Variants in APOLD1 observed in about 807,000 individuals in gnomAD.
APOLD1 encodes apolipoprotein L domain containing 1, also known as apolipoprotein L domain-containing protein 1.
APOLD1 carries 22 observed loss-of-function variants against 15.3 expected under a neutral mutation model. The observed-to-expected ratio is 1.44, with a 90% CI of 1.03 to 2.05. The LOEUF (loss-of-function observed/expected upper bound fraction) is 2.05. APOLD1 is among the 30% of genes most tolerant of loss of function. APOLD1 has a pLI of 0.00. For synonymous variants in APOLD1, 190 were observed against 167.4 expected (o/e 1.13, Z -1.04); for missense variants, 394 against 353.5 (o/e 1.11, Z -0.92).
chr12:12,786,801 G>A (rs1221496813), intron 1 of APOLD1, 108 bp from the exon 2 acceptor site: 3 of 1,308,332 alleles, frequency 2.3e-6, no homozygotes, highest in Non-Finnish European at 2.9e-6. Context: ...CGTGGCAGTG[G>A]CTGCTCCGCT....
chr12:12,740,563 T>G (rs1946723207), intron 1 of APOLD1, among the ~76,000 whole-genome samples: 1 of 152,242 alleles, frequency 6.6e-6, no homozygotes, highest in South Asian at 2.1e-4. Context: ...CTGAACTAGG[T>G]GAACCTAATA....
rs35191312 is a variant in APOLD1, at chr12:12,744,307, T to TA, written c.96+18229dup. Among the ~76,000 whole-genome samples the TA allele has an allele frequency of 7.1e-3, 935 of 131,136 alleles. 7 individuals are homozygous for TA. Among genetic ancestry groups the TA allele is most frequent in the African/African-American group, 0.019 (664 of 34,884 alleles). 86.0% of individuals were successfully genotyped at this position (131,136 alleles called of 152,430 possible). A position where few individuals can be genotyped will look rare whatever the true frequency, so the allele number is the denominator to read the frequency against. On this transcript the variant is annotated intron_variant, in intron 1 of 1. Transcript: ENST00000326765. ...CTGGGCAATAGAGCCAGACCCTGCT[T>TA]AAAAAAAAAAAAAAAAAATGGCTGG...
intron 1 of APOLD1, among the ~76,000 whole-genome samples, chr12:12,774,201 G>A (rs1463812660): frequency 6.6e-6 from 1 of 152,040 alleles, no homozygotes; most frequent in African/African-American, 2.4e-5. Context: ...ATTTGATAAA[G>A]GACTGTTATC....
chr12:12,750,299 G>T (rs1389924490), intron 1 of APOLD1, among the ~76,000 whole-genome samples: 1 of 147,586 alleles, frequency 6.8e-6, no homozygotes, highest in Non-Finnish European at 1.5e-5. Context: ...TTGAACCCGG[G>T]AGACGGAGGT....
rs542876279 is a variant in APOLD1, at chr12:12,757,707, C to T, written c.97-29202C>T. 4.6e-5 allele frequency among the ~76,000 whole-genome samples: 7 copies of T among 151,838 alleles called. No homozygotes were observed. The East Asian group carries it at 1.2e-3, about 25-fold the overall frequency. On this transcript the variant is annotated intron_variant, in intron 1 of 1. Transcript: ENST00000326765. ...AATCATTTTATTGAGAGGTAATTCA[C>T]GTAACATACAATTCACTTATTTAAG...
At chr12:12,785,634 A>G, upstream of APOLD1, 1 of 1,614,218 alleles carries the variant, frequency 6.2e-7, no homozygotes, top group Non-Finnish European at 8.5e-7. Context: ...GGAACTATAA[A>G]GCACACTCAT....
upstream of APOLD1, among the ~76,000 whole-genome samples, chr12:12,783,026 C>T (rs1947096118): frequency 6.6e-6 from 1 of 151,694 alleles, no homozygotes; most frequent in African/African-American, 2.4e-5. Context: ...TCCAACATGG[C>T]GAAACCCCGT....
chr12:12,758,215 T>C lies in APOLD1; in HGVS notation c.97-28694T>C, dbSNP rs538685521. 2.3e-3 allele frequency among the ~76,000 whole-genome samples: 349 copies of C among 151,194 alleles called. 1 individual carries two copies. Among genetic ancestry groups the C allele is most frequent in the Non-Finnish European group, 3.5e-3 (236 of 67,710 alleles). On this transcript the variant is annotated intron_variant, in intron 1 of 1. Coordinates refer to the APOLD1 transcript ENST00000326765. ...CCTCCCAAAGTGCTGGGATTACAGG[T>C]GTGAACCACCACGCCTGAACTAATT...
chr12:12,734,660 C>T (rs1003527524), intron 1 of APOLD1, among the ~76,000 whole-genome samples: 3 of 152,128 alleles, frequency 2.0e-5, no homozygotes, highest in Non-Finnish European at 4.4e-5. Flanking sequence ...GATTTTTGGC[C>T]ACAAACCACA....
chr12:12,748,930 C>T (rs949973356), intron 1 of APOLD1, among the ~76,000 whole-genome samples: 1 of 152,128 alleles, frequency 6.6e-6, no homozygotes, highest in Admixed American at 6.5e-5. Context: ...AAGGCAGCAT[C>T]CTCTCAAATA....
intron 1 of APOLD1, among the ~76,000 whole-genome samples, chr12:12,736,814 T>C (rs1946690350): frequency 6.6e-6 from 1 of 152,156 alleles, no homozygotes; most frequent in Non-Finnish European, 1.5e-5. Flanking sequence ...TCACAAGTGG[T>C]ATATCTGAGG....
chr12:12,730,065 TGTGTGTGTGTGTGAGA>T (rs769735427), intron 1 of APOLD1, among the ~76,000 whole-genome samples: 10,304 of 87,170 alleles, frequency 0.12, 722 homozygotes, highest in African/African-American at 0.3. Context: ...TGTGTGTGTG[TGTGTGTGTGTGTGAGA>T]GAGAGAGAGA....
At chr12:12,782,120 A>G (rs1302833284), upstream of APOLD1, among the ~76,000 whole-genome samples, 2 of 151,908 alleles carry the variant, frequency 1.3e-5, no homozygotes, top group African/African-American at 4.8e-5. Flanking sequence ...TTAGCTGGGC[A>G]TGGTGGTGCG....
At chr12:12,779,340 T>A (rs1258581923) in intron 1 of APOLD1, among the ~76,000 whole-genome samples, 1 of 152,196 alleles carries the variant, frequency 6.6e-6, no homozygotes, top group Non-Finnish European at 1.5e-5. Context: ...AGGGACTATA[T>A]CTTATTTAGC....
chr12:12,730,077 T>TGA lies in APOLD1; in HGVS notation c.96+4000_96+4001dup, dbSNP rs146075502. Among the ~76,000 whole-genome samples, 299 of 81,470 alleles carry TGA rather than the reference T, an allele frequency of 3.7e-3. 2 individuals are homozygous for TGA. The highest frequency in any genetic ancestry group is 6.8e-3 in the African/African-American group (116 of 17,004). The allele number at this position is 81,470 out of a possible 152,430, so 53.4% of individuals were successfully genotyped here. ...GTGTGTGTGTGTGTGTGTGTGTGTGTGAGAGAGAGAGAGAGAGAGACAGAC... is the reference window on the plus strand; with the variant it reads ...GTGTGTGTGTGTGTGTGTGTGTGTGTGAGAGAGAGAGAGAGAGAGAGACAGAC... On this transcript the variant is annotated intron_variant, in intron 1 of 1. Coordinates refer to the APOLD1 transcript ENST00000326765.
intron 1 of APOLD1, among the ~76,000 whole-genome samples, chr12:12,763,524 GA>G (rs1197946353): frequency 1.4e-3 from 194 of 135,432 alleles, no homozygotes; most frequent in East Asian, 6.0e-3. Flanking sequence ...TGGGGGGGGG[GA>G]AAACAATACA....
At chr12:12,765,025 C>A (rs1348984524) in intron 1 of APOLD1, among the ~76,000 whole-genome samples, 2 of 152,070 alleles carry the variant, frequency 1.3e-5, no homozygotes, top group African/African-American at 4.8e-5. Flanking sequence ...TCATTTCCAG[C>A]CATGTAGAGG....
intron 1 of APOLD1, among the ~76,000 whole-genome samples, chr12:12,745,345 C>G (rs1946757648): frequency 6.6e-6 from 1 of 152,084 alleles, no homozygotes; most frequent in Non-Finnish European, 1.5e-5. Flanking sequence ...AGTTCGTGAC[C>G]AGCCTGGCCA....
chr12:12,774,984 AC>A (rs2136394324), intron 1 of APOLD1, among the ~76,000 whole-genome samples: 1 of 152,342 alleles, frequency 6.6e-6, no homozygotes, highest in East Asian at 1.9e-4. Flanking sequence ...TTATGTCCAC[AC>A]AAAAAGCTAC....
Sources: allele counts gnomAD v4.1 joint callset (sites outside exome capture counted in the v4.1 genomes callset), GRCh38; gene constraint gnomAD v4.1.1; transcripts MANE v1.5; gene names NCBI Gene and HGNC (gene_info 2026-07-23, HGNC 2026-07-21).